The following ANAPC7 variants were observed in gnomAD, a reference collection of about 807,000 sequenced individuals.
The protein encoded by ANAPC7 is anaphase-promoting complex subunit 7.
ANAPC7 carries 25 observed loss-of-function variants against 63.3 expected under a neutral mutation model. That is an observed-to-expected ratio of 0.39 (90% confidence interval 0.29 to 0.55). The LOEUF is 0.55. ANAPC7 is among the 20% of genes least tolerant of loss of function. The probability of loss-of-function intolerance (pLI) is 0.57; values close to 1 mark genes in which losing one functional copy is unlikely to be tolerated. For missense variants in ANAPC7, 516 were observed against 691.7 expected (o/e 0.75, Z 2.85); for synonymous variants, 241 against 251.7 (o/e 0.96, Z 0.40).
rs1318960812 is a variant in ANAPC7 at position 110,403,555 on chromosome 12, A to G, written c.73T>C (p.Leu25=). The G allele has an allele frequency of 6.2e-7, 1 of 1,607,060 alleles. No homozygotes were observed. ...TTGTTATTACTCATTGTAAGTAACA[A>G]GCTGCTGAGGAGCCGCACGTTGGAG... The part of the protein sequence containing the change: ...LHSNVRLLSS[L]LLTMSNNNPE... The change falls in exon 1 of 11, where the codon TTG becomes CTG. Residue 25 remains leucine, a synonymous_variant. Coordinates refer to ENST00000455511, the MANE Select transcript of ANAPC7 (RefSeq NM_016238.3).
At chr12:110,395,595 T>A (rs1052873620) in intron 2 of ANAPC7, among the ~76,000 whole-genome samples, 9 of 151,782 alleles carry the variant, frequency 5.9e-5, no homozygotes, top group Admixed American at 2.6e-4. Context: ...TGGCCTCATC[T>A]TCTTTTTTTT....
At chr12:110,391,174 A>G (rs1463498014) in intron 3 of ANAPC7, among the ~76,000 whole-genome samples, 1 of 152,158 alleles carries the variant, frequency 6.6e-6, no homozygotes, top group East Asian at 1.9e-4. Flanking sequence ...TGGGCAACAG[A>G]GAGAGACTCC....
chr12:110,395,679 C>T (rs181954385), intron 2 of ANAPC7, among the ~76,000 whole-genome samples: 1 of 151,980 alleles, frequency 6.6e-6, no homozygotes, highest in African/African-American at 2.4e-5. Context: ...GCTGGGACTA[C>T]AGGCATCCAC....
chr12:110,394,130 C>T lies in ANAPC7; in HGVS notation c.408+971G>A, dbSNP rs146925612. Among the ~76,000 whole-genome samples, 916 of 148,190 alleles carry T rather than the reference C, an allele frequency of 6.2e-3. 11 individuals carry two copies. Among genetic ancestry groups the T allele is most frequent in the African/African-American group, 0.021 (857 of 40,142 alleles). ...GGTGGTGGTTGCAATGAGCCGAGATCGCACCACTGCACTCCAGCCTGGGCA... is the reference window on the plus strand; with the variant it reads ...GGTGGTGGTTGCAATGAGCCGAGATTGCACCACTGCACTCCAGCCTGGGCA... On this transcript the variant is annotated intron_variant, in intron 3 of 10. Transcript: ENST00000455511.
intron 6 of ANAPC7, among the ~76,000 whole-genome samples, chr12:110,383,890 A>G (rs1448811264): frequency 6.1e-5 from 8 of 131,684 alleles, no homozygotes; most frequent in East Asian, 4.6e-4. Flanking sequence ...AAAAAAAAAA[A>G]AAAAAAAAGA....
chr12:110,386,601 T>C (rs1882476203), intron 5 of ANAPC7, 132 bp from the exon 6 acceptor site: 1 of 911,962 alleles, frequency 1.1e-6, no homozygotes, highest in East Asian at 2.6e-5. Context: ...ATAAAAAACT[T>C]TAAGCTTATG....
intron 2 of ANAPC7, among the ~76,000 whole-genome samples, chr12:110,396,011 A>C (rs934136769): frequency 2.0e-5 from 3 of 152,332 alleles, no homozygotes; most frequent in Non-Finnish European, 4.4e-5. Flanking sequence ...GTCAGATTAT[A>C]ATAAGGAACA....
chr12:110,382,867 T>A lies in ANAPC7; in HGVS notation c.911A>T (p.His304Leu). The change falls in exon 7 of 11, where the codon CAT becomes CTT. Residue 304 changes from histidine (H) to leucine (L), a missense_variant. His to Leu is a moderately conservative substitution (Grantham distance 99, BLOSUM62 -3). Coordinates refer to ENST00000455511, the MANE Select transcript of ANAPC7 (RefSeq NM_016238.3). ...GCRLFNISDQHAEPWVVSGCH... is the reference protein window; with the variant it reads ...GCRLFNISDQLAEPWVVSGCH... ...CCCAGAAACCACCCACGGTTCTGCA[T>A]GCTGATCAGAGATATTGAAAAGGCG... 1 of 1,613,840 alleles carries A rather than the reference T, an allele frequency of 6.2e-7. No individual in the cohort carries two copies. The highest frequency in any genetic ancestry group is 1.3e-5 in the African/African-American group (1 of 75,050).
intron 6 of ANAPC7, 99 bp from the exon 7 acceptor site, chr12:110,383,059 CCCAGCT>C: frequency 6.2e-6 from 5 of 811,996 alleles, no homozygotes; most frequent in Non-Finnish European, 9.8e-6. Flanking sequence ...ATGCTGAGGC[CCCAGCT>C]CCTGCAGGGG....
chr12:110,389,931 C>CA lies in ANAPC7; in HGVS notation c.409-1309dup, dbSNP rs552958124. On this transcript the variant is annotated intron_variant, in intron 3 of 10. Coordinates refer to ENST00000455511, the MANE Select transcript of ANAPC7 (RefSeq NM_016238.3). ...TGGGAGACAGAGCGAGACTCCGTCT[C>CA]AAAAAACAACAAAAAAAACCCACAA... Among the ~76,000 whole-genome samples, 120 of 147,512 alleles carry CA rather than the reference C, an allele frequency of 8.1e-4. 1 individual carries two copies. Among genetic ancestry groups the CA allele is most frequent in the Non-Finnish European group, 1.3e-3 (90 of 67,014 alleles).
chr12:110,386,871 A>C (rs1457384744), intron 5 of ANAPC7: 1 of 159,404 alleles, frequency 6.3e-6, no homozygotes, highest in East Asian at 1.9e-4. Context: ...CAGGCAAGCT[A>C]GGTTAGACAC....
intron 1 of ANAPC7, among the ~76,000 whole-genome samples, chr12:110,402,716 C>T (rs2062249728): frequency 6.6e-6 from 1 of 152,140 alleles, no homozygotes; most frequent in Non-Finnish European, 1.5e-5. Flanking sequence ...AAAGGCGCCA[C>T]GCCCACCCAT....
rs762082179 is a variant in ANAPC7, at chr12:110,403,663, C to G, written c.-36G>C. On this transcript the variant is annotated 5_prime_UTR_variant, in exon 1 of 11. Coordinates refer to ENST00000455511, the MANE Select transcript of ANAPC7 (RefSeq NM_016238.3). ...AAAGCCGCGGGCAGCGGCGGCAGCACTGACTCGAAAAGCCGGTAGAGGATC... is the reference window on the plus strand; with the variant it reads ...AAAGCCGCGGGCAGCGGCGGCAGCAGTGACTCGAAAAGCCGGTAGAGGATC... 1 of 1,565,884 alleles carries G rather than the reference C, an allele frequency of 6.4e-7. No individual in the cohort carries two copies. The highest frequency in any genetic ancestry group is 8.7e-7 in the Non-Finnish European group (1 of 1,154,634).
At chr12:110,378,295 T>C (rs1881482367) in intron 8 of ANAPC7, among the ~76,000 whole-genome samples, 1 of 152,140 alleles carries the variant, frequency 6.6e-6, no homozygotes, top group South Asian at 2.1e-4. Context: ...GGTTTCTCCA[T>C]GTTGGTCAGG....
intron 3 of ANAPC7, among the ~76,000 whole-genome samples, chr12:110,390,948 T>C (rs979946470): frequency 2.0e-5 from 3 of 152,110 alleles, no homozygotes; most frequent in Non-Finnish European, 1.5e-5. Context: ...TCCTAGCACT[T>C]TGGGAGGCCG....
intron 3 of ANAPC7, among the ~76,000 whole-genome samples, chr12:110,393,867 C>CA (rs771757058): frequency 0.098 from 3,631 of 37,130 alleles, 197 homozygotes; most frequent in East Asian, 0.22. Flanking sequence ...AACTCCCTCT[C>CA]AAAAAAAAAA....
At chr12:110,383,080 G>C in intron 6 of ANAPC7, 120 bp from the exon 7 acceptor site, 1 of 657,732 alleles carries the variant, frequency 1.5e-6, no homozygotes, top group Non-Finnish European at 2.6e-6. Flanking sequence ...CAGGGGCTAA[G>C]CCCTTTCCAC....
At position 110,403,575 on chromosome 12, in the gene ANAPC7, T is replaced by C; in HGVS notation, c.53A>G (p.Asn18Ser). The C allele has an allele frequency of 2.5e-6, 4 of 1,609,360 alleles. No individual in the cohort carries two copies. The highest frequency in any genetic ancestry group is 3.4e-6 in the Non-Finnish European group (4 of 1,178,380). The change falls in exon 1 of 11, where the codon AAC (asparagine) becomes AGC (serine). Residue 18 changes from asparagine to serine, a missense_variant. Coordinates refer to ENST00000455511, the MANE Select transcript of ANAPC7 (RefSeq NM_016238.3). ...TAACAAGCTGCTGAGGAGCCGCACG[T>C]TGGAGTGCAGCCCCGCGGCCGCCAT... ...RDMAAAGLHS[N>S]VRLLSSLLLT...
At chr12:110,389,480 C>T (rs1338960600) in intron 3 of ANAPC7, among the ~76,000 whole-genome samples, 2 of 152,236 alleles carry the variant, frequency 1.3e-5, no homozygotes, top group Admixed American at 6.5e-5. Flanking sequence ...GGCTTTGGCC[C>T]GTAGGTACTA....
Sources: allele counts gnomAD v4.1 joint callset (sites outside exome capture counted in the v4.1 genomes callset), GRCh38; gene constraint gnomAD v4.1.1; transcripts MANE v1.5; gene names NCBI Gene and HGNC (gene_info 2026-07-23, HGNC 2026-07-21).